The following PHIP variants were observed in gnomAD, a reference collection of about 807,000 sequenced individuals.
PHIP encodes PHIP subunit of CUL4-Ring ligase complex, also known as PH-interacting protein.
PHIP carries 54 observed loss-of-function variants against 236.8 expected under a neutral mutation model. The observed-to-expected ratio is 0.23, with a 90% confidence interval of 0.18 to 0.29. The LOEUF (loss-of-function observed/expected upper bound fraction) is 0.29, where lower values mean the gene tolerates loss of function less well. Ranked by LOEUF, PHIP falls within the 10% of genes least tolerant of loss-of-function variation. The probability of loss-of-function intolerance (pLI) is 1.00; values close to 1 mark genes in which losing one functional copy is unlikely to be tolerated. For synonymous variants in PHIP, 756 were observed against 718.9 expected (o/e 1.05, Z -0.83); for missense variants, 1,370 against 2,190.8 (o/e 0.63, Z 7.48).
intron 24 of PHIP, among the ~76,000 whole-genome samples, chr6:78,977,807 A>G (rs1417595718): frequency 2.0e-5 from 3 of 152,212 alleles, no homozygotes; most frequent in Non-Finnish European, 4.4e-5. Flanking sequence ...GGATTTTTAA[A>G]TAAATTCTTT....
chr6:79,033,680 C>G (rs992149343), intron 7 of PHIP, among the ~76,000 whole-genome samples: 4 of 152,168 alleles, frequency 2.6e-5, no homozygotes, highest in Non-Finnish European at 5.9e-5. Flanking sequence ...ACCACTTAAA[C>G]TTTCTCTATA....
At position 78,936,786 on chromosome 6, in the gene PHIP, C is replaced by T. The variant is rs1330750720; in HGVS notation, c.*3907G>A. 2 of 151,764 alleles carry T rather than the reference C, an allele frequency of 1.3e-5. No homozygotes were observed. Among genetic ancestry groups the T allele is most frequent in the African/African-American group, 4.8e-5 (2 of 41,396 alleles). 9.4% of individuals were successfully genotyped at this position (151,764 alleles called of 1,614,324 possible). A position where few individuals can be genotyped will look rare whatever the true frequency, so the allele number is the denominator to read the frequency against. ...ATTTGACCTTTTCTTGGGTACTATA[C>T]ATAGTTCGTAATGACTTTTCATTTG... On this transcript the variant is annotated 3_prime_UTR_variant, in exon 40 of 40. Transcript: ENST00000275034.
chr6:78,965,615 G>C, intron 29 of PHIP, 88 bp downstream of exon 29: 1 of 749,102 alleles, frequency 1.3e-6, no homozygotes, highest in South Asian at 1.8e-5. Flanking sequence ...ACTCACAACT[G>C]TAAGTGGTAG....
At chr6:79,025,751 T>C in intron 8 of PHIP, 132 bp from the exon 9 acceptor site, 1 of 715,462 alleles carries the variant, frequency 1.4e-6, no homozygotes, top group Non-Finnish European at 2.4e-6. Context: ...GGTTATGTTA[T>C]TTAAAGTCCA....
chr6:78,963,041 T>C, intron 30 of PHIP, 56 bp downstream of exon 30: 1 of 1,479,650 alleles, frequency 6.8e-7, no homozygotes, highest in South Asian at 1.4e-5. Flanking sequence ...AACAGTATTT[T>C]TCCATTACTT....
In PHIP at chr6:78,998,309, T is replaced by C; in HGVS notation, c.1962A>G (p.Gln654=). The change falls in exon 18 of 40, where the codon CAA becomes CAG. Residue 654 remains glutamine (Q), a synonymous_variant. Coordinates refer to ENST00000275034, the MANE Select transcript of PHIP (RefSeq NM_017934.7). ...DSMIQRLQQE[Q]DLRRSGEAVI... ...CTGCTTCACCAGAACGTCTCAGGTC[T>C]TGCTCCTGTTGTAGTCTTTGAATCA... The C allele has an allele frequency of 6.2e-7, 1 of 1,612,896 alleles. No individual in the cohort carries two copies. Among genetic ancestry groups the C allele is most frequent in the East Asian group, 2.2e-5 (1 of 44,832 alleles).
chr6:78,973,778 A>G lies in PHIP; in HGVS notation c.2890-2890T>C, dbSNP rs543744198. On this transcript the variant is annotated intron_variant, in intron 24 of 39. Coordinates refer to ENST00000275034, the MANE Select transcript of PHIP (RefSeq NM_017934.7). Reference sequence around the variant, plus strand: ...CCAACAAAGATCAAAAGAGACAAAGAAGGCCATTACATAATGGTAAAGGGG... The same window carrying G: ...CCAACAAAGATCAAAAGAGACAAAGGAGGCCATTACATAATGGTAAAGGGG... Among the ~76,000 whole-genome samples the G allele has an allele frequency of 5.9e-3, 895 of 152,114 alleles. 4 individuals are homozygous for G. The highest frequency in any genetic ancestry group is 0.02 in the African/African-American group (825 of 41,476).
At chr6:78,990,213 C>G (rs1281064120) in intron 20 of PHIP, among the ~76,000 whole-genome samples, 1 of 152,080 alleles carries the variant, frequency 6.6e-6, no homozygotes, top group African/African-American at 2.4e-5. Flanking sequence ...ATTTCAGACT[C>G]TAAGGCTCTG....
In PHIP at chr6:79,025,988, A is replaced by G. The variant is rs1348088861; in HGVS notation, c.777T>C (p.Pro259=). 3 of 1,613,822 alleles carry G rather than the reference A, an allele frequency of 1.9e-6. No individual in the cohort carries two copies. In the Admixed American group the frequency reaches 5.0e-5, roughly 27 times the overall value. Reference sequence around the variant, plus strand: ...CACTATGGCCCTGAAGAACAGCCAAAGGTGCACAGGTTCGAAGACACCAGA... The same window carrying G: ...CACTATGGCCCTGAAGAACAGCCAAGGGTGCACAGGTTCGAAGACACCAGA... ...IRVWCLRTCA[P]LAVLQGHSAS... Residue 259 remains proline (P), a synonymous_variant, in exon 8 of 40, where the codon CCT becomes CCC. Transcript: ENST00000275034.
At chr6:78,943,284 T>C (rs778573250) in intron 39 of PHIP, among the ~76,000 whole-genome samples, 1 of 152,160 alleles carries the variant, frequency 6.6e-6, no homozygotes, top group Non-Finnish European at 1.5e-5. Context: ...TGTTAACTAA[T>C]AGATAATGAT....
chr6:78,971,442 T>C (rs1211547194), intron 24 of PHIP, among the ~76,000 whole-genome samples: 23 of 152,196 alleles, frequency 1.5e-4, no homozygotes, highest in Admixed American at 1.5e-3. Flanking sequence ...TGTTTTAAAA[T>C]GCTAAGTTTT....
chr6:79,068,495 G>A (rs1002391592), intron 4 of PHIP, among the ~76,000 whole-genome samples: 5 of 152,012 alleles, frequency 3.3e-5, no homozygotes, highest in African/African-American at 7.2e-5. Context: ...AAAACCCCAC[G>A]AAATCTCAAG....
At chr6:79,002,413 TACCTGTGGTCA>T (rs1417480701) in intron 16 of PHIP, among the ~76,000 whole-genome samples, 1 of 152,112 alleles carries the variant, frequency 6.6e-6, no homozygotes. Flanking sequence ...TGGTTTCAGT[TACCTGTGGTCA>T]ACCTGACTCC....
At chr6:79,070,824 A>C (rs1250269422) in intron 4 of PHIP, among the ~76,000 whole-genome samples, 1 of 152,238 alleles carries the variant, frequency 6.6e-6, no homozygotes, top group Non-Finnish European at 1.5e-5. Context: ...AATGTTATGT[A>C]AATAATTGTT....
intron 35 of PHIP, 58 bp downstream of exon 35, chr6:78,954,756 C>A: frequency 9.6e-7 from 1 of 1,043,110 alleles, no homozygotes; most frequent in Non-Finnish European, 1.4e-6. Flanking sequence ...AGCCAACTGT[C>A]ATGTAAAAGG....
intron 10 of PHIP, among the ~76,000 whole-genome samples, chr6:79,018,039 CTTTGT>C (rs1770919210): frequency 6.6e-6 from 1 of 151,846 alleles, no homozygotes; most frequent in South Asian, 2.1e-4. Context: ...TCCCCTAAGA[CTTTGT>C]TTTGTAGCAT....
At chr6:79,035,050 T>C (rs1008734105) in intron 7 of PHIP, among the ~76,000 whole-genome samples, 2 of 152,156 alleles carry the variant, frequency 1.3e-5, no homozygotes, top group Non-Finnish European at 2.9e-5. Context: ...ATAGCCTGAC[T>C]ATCTACCACA....
intron 24 of PHIP, among the ~76,000 whole-genome samples, chr6:78,974,519 C>G (rs935807659): frequency 6.6e-6 from 1 of 151,560 alleles, no homozygotes; most frequent in Non-Finnish European, 1.5e-5. Context: ...CAAGAAATAA[C>G]TAAGATCAGA....
intron 17 of PHIP, among the ~76,000 whole-genome samples, chr6:78,999,220 C>T (rs116683382): frequency 0.012 from 1,820 of 152,302 alleles, 40 homozygotes; most frequent in African/African-American, 0.042. Flanking sequence ...TAGAGGACCA[C>T]TTGACTTCTG....
Sources: gnomAD v4.1 joint callset for allele counts (sites outside exome capture counted in the v4.1 genomes callset) on GRCh38, gnomAD v4.1.1 for gene constraint, MANE v1.5 for transcripts, NCBI Gene and HGNC (gene_info 2026-07-23, HGNC 2026-07-21) for gene names.